The following RIMS1 variants were observed in gnomAD, a reference collection of about 807,000 sequenced individuals.
The protein encoded by RIMS1 is regulating synaptic membrane exocytosis 1.
A neutral mutation model predicts 214.1 loss-of-function variants in RIMS1; 83 were observed. The ratio of observed to expected loss-of-function variants is 0.39; its 90% CI spans 0.32 to 0.47. RIMS1 has a LOEUF of 0.47. Among genes scored for constraint, RIMS1 ranks in the 20% least tolerant of loss-of-function variants. The pLI, the probability that RIMS1 is intolerant of heterozygous loss-of-function variation, is 0.99. For missense variants in RIMS1, 2,050 were observed against 2,161.8 expected (o/e 0.95, Z 1.03); for synonymous variants, 793 against 786.8 (o/e 1.01, Z -0.13).
At chr6:72,394,868 T>C (rs1431544345) in intron 31 of RIMS1, among the ~76,000 whole-genome samples, 1 of 151,872 alleles carries the variant, frequency 6.6e-6, no homozygotes, top group African/African-American at 2.4e-5. Context: ...AAAATGGAAA[T>C]GATTCAACTA....
At chr6:72,109,637 C>T (rs2035597505) in intron 4 of RIMS1, among the ~76,000 whole-genome samples, 1 of 151,906 alleles carries the variant, frequency 6.6e-6, no homozygotes. Flanking sequence ...AAAATTTTCT[C>T]CCATTTTGTA....
At chr6:72,011,357 A>G (rs958822390) in intron 2 of RIMS1, among the ~76,000 whole-genome samples, 3 of 152,240 alleles carry the variant, frequency 2.0e-5, no homozygotes, top group Admixed American at 6.5e-5. Context: ...TAAATGTTGG[A>G]CCTAAAACCA....
At chr6:72,324,027 CATAGATAGATAGATAG>C (rs70994121) in intron 28 of RIMS1, among the ~76,000 whole-genome samples, 148 of 145,992 alleles carry the variant, frequency 1.0e-3, no homozygotes, top group East Asian at 0.01. Flanking sequence ...TGCATGCATG[CATAGATAGATAGATAG>C]ATAGATAGAT....
intron 1 of RIMS1, among the ~76,000 whole-genome samples, chr6:71,939,549 G>A (rs1785417886): frequency 6.6e-6 from 1 of 152,166 alleles, no homozygotes; most frequent in Non-Finnish European, 1.5e-5. Context: ...AGGTATATTT[G>A]CCTCACAATT....
At chr6:72,115,857 C>T (rs913223629) in intron 4 of RIMS1, among the ~76,000 whole-genome samples, 1 of 151,704 alleles carries the variant, frequency 6.6e-6, no homozygotes, top group African/African-American at 2.4e-5. Flanking sequence ...CTTGCATTCA[C>T]AGAAACCTTC....
chr6:71,976,432 A>G (rs1253570858), intron 2 of RIMS1, among the ~76,000 whole-genome samples: 1 of 152,190 alleles, frequency 6.6e-6, no homozygotes, highest in East Asian at 1.9e-4. Flanking sequence ...ATCTTTCAAA[A>G]TATGTGTTAT....
Position 72,182,974 on chromosome 6 carries a change from G to A in RIMS1, c.1503G>A (p.Leu501=). The part of the protein sequence containing the change: ...KVETMLRNDS[L]SSDQSESVRP... ...AGACCATGCTGCGGAACGACTCTTTGAGCTCAGACCAGTCCGAGTCGGTGC... is the reference window on the plus strand; with the variant it reads ...AGACCATGCTGCGGAACGACTCTTTAAGCTCAGACCAGTCCGAGTCGGTGC... Residue 501 remains leucine (L), a synonymous_variant, in exon 6 of 34, where the codon TTG becomes TTA. Coordinates refer to ENST00000521978, the MANE Select transcript of RIMS1 (RefSeq NM_014989.7). The A allele has an allele frequency of 6.3e-7, 1 of 1,594,976 alleles. No individual in the cohort carries two copies. Among genetic ancestry groups the A allele is most frequent in the South Asian group, 1.1e-5 (1 of 87,782 alleles).
intron 15 of RIMS1, 84 bp from the exon 16 acceptor site, chr6:72,252,677 T>A (rs1263072990): frequency 8.9e-7 from 1 of 1,120,640 alleles, no homozygotes; most frequent in African/African-American, 1.5e-5. Context: ...TGCAATTCAC[T>A]TTTTAAAAAA....
chr6:72,049,021 A>G (rs1823861063), intron 2 of RIMS1, among the ~76,000 whole-genome samples: 1 of 152,200 alleles, frequency 6.6e-6, no homozygotes, highest in Non-Finnish European at 1.5e-5. Context: ...GCTGATGCAG[A>G]GGACTCAGAG....
intron 28 of RIMS1, among the ~76,000 whole-genome samples, chr6:72,330,100 G>T (rs2096609421): frequency 6.6e-6 from 1 of 151,804 alleles, no homozygotes; most frequent in African/African-American, 2.4e-5. Flanking sequence ...AGAGGATCAA[G>T]GTCCTGCCAG....
intron 2 of RIMS1, among the ~76,000 whole-genome samples, chr6:72,006,971 C>T (rs906839594): frequency 6.6e-6 from 1 of 152,178 alleles, no homozygotes; most frequent in African/African-American, 2.4e-5. Context: ...GCTTGGAAGA[C>T]AGTAGTCATT....
chr6:71,888,863 C>T (rs902016571), intron 1 of RIMS1, among the ~76,000 whole-genome samples: 1 of 152,154 alleles, frequency 6.6e-6, no homozygotes, highest in Non-Finnish European at 1.5e-5. Flanking sequence ...GAGGCAGAAC[C>T]CTCGTTAATC....
chr6:72,297,123 T>C (rs2094172359), intron 26 of RIMS1, among the ~76,000 whole-genome samples: 1 of 151,962 alleles, frequency 6.6e-6, no homozygotes. Context: ...TATTCTGGCA[T>C]AGTGTCTGAT....
intron 26 of RIMS1, among the ~76,000 whole-genome samples, chr6:72,302,353 T>C (rs1282171656): frequency 6.6e-6 from 1 of 151,684 alleles, no homozygotes; most frequent in African/African-American, 2.4e-5. Flanking sequence ...AAACCATCTT[T>C]CTTGATATAT....
intron 2 of RIMS1, among the ~76,000 whole-genome samples, chr6:72,013,973 TCA>T (rs2151887807): frequency 6.6e-6 from 1 of 152,338 alleles, no homozygotes; most frequent in East Asian, 1.9e-4. Context: ...ATAAATGGAA[TCA>T]CACAATATAT....
chr6:72,122,454 C>A (rs150283089), intron 4 of RIMS1, among the ~76,000 whole-genome samples: 8,301 of 151,686 alleles, frequency 0.055, 433 homozygotes, highest in Middle Eastern at 0.095. Flanking sequence ...GATCCACCCG[C>A]CTCGGCCTCC....
At position 71,942,998 on chromosome 6, in the gene RIMS1, G is replaced by A. The variant is rs889758671; in HGVS notation, c.165-25985G>A. Among the ~76,000 whole-genome samples the A allele has an allele frequency of 3.9e-5, 6 of 152,032 alleles. No individual in the cohort carries two copies. In the South Asian group the frequency reaches 6.2e-4, roughly 16 times the overall value. On this transcript the variant is annotated intron_variant, in intron 1 of 33. Transcript: ENST00000521978. ...GGAAAGACATGTATTAAGATAAGATGTAAGTCAAAATATATTATAACTTGT... is the reference window on the plus strand; with the variant it reads ...GGAAAGACATGTATTAAGATAAGATATAAGTCAAAATATATTATAACTTGT...
At chr6:72,129,011 C>T (rs2040034061) in intron 4 of RIMS1, among the ~76,000 whole-genome samples, 1 of 152,118 alleles carries the variant, frequency 6.6e-6, no homozygotes, top group African/African-American at 2.4e-5. Context: ...ATTATTGTTC[C>T]CATTTCATTA....
intron 4 of RIMS1, among the ~76,000 whole-genome samples, chr6:72,117,645 T>A (rs540703538): frequency 6.6e-6 from 1 of 151,862 alleles, no homozygotes; most frequent in Admixed American, 6.6e-5. Context: ...TAGAAATACA[T>A]GGAAATTAAA....
Sources: allele counts gnomAD v4.1 joint callset (sites outside exome capture counted in the v4.1 genomes callset), GRCh38; gene constraint gnomAD v4.1.1; transcripts MANE v1.5; gene names NCBI Gene and HGNC (gene_info 2026-07-23, HGNC 2026-07-21).